The following COL27A1 variants were observed in gnomAD, a reference collection of about 807,000 sequenced individuals.
COL27A1 encodes collagen type XXVII alpha 1 chain.
COL27A1 carries 106 observed loss-of-function variants against 251.3 expected under a neutral mutation model. That is an observed-to-expected ratio of 0.42 (90% CI 0.36 to 0.50). The LOEUF is 0.50. Ranked by LOEUF, COL27A1 falls within the 20% of genes least tolerant of loss-of-function variation. COL27A1 has a pLI of 0.00. For synonymous variants in COL27A1, 1,000 were observed against 986.3 expected (o/e 1.01, Z -0.26); for missense variants, 2,325 against 2,522.8 (o/e 0.92, Z 1.68).
chr9:114,162,988 C>T (rs1424633540), intron 2 of COL27A1, among the ~76,000 whole-genome samples: 4 of 152,154 alleles, frequency 2.6e-5, no homozygotes, highest in East Asian at 1.9e-4. Context: ...GCAGTCCCAG[C>T]GCTTTGGGAG....
rs1588825631 is a variant in COL27A1 at position 114,266,488 on chromosome 9, C to T, written c.3394-77C>T. 7 of 1,284,752 alleles carry T rather than the reference C, an allele frequency of 5.4e-6. No individual in the cohort carries two copies. The East Asian group carries it at 1.4e-4, about 26-fold the overall frequency. The allele number at this position is 1,284,752 out of a possible 1,614,324, so 79.6% of individuals were successfully genotyped here. ...GTCCCCAGTTCTGGGGGTCAGCTCCCTCATTCACCCCTCCAGATCCCAAAG... is the reference window on the plus strand; with the variant it reads ...GTCCCCAGTTCTGGGGGTCAGCTCCTTCATTCACCCCTCCAGATCCCAAAG... On this transcript the variant is annotated intron_variant, in intron 32 of 60. Transcript: ENST00000356083.
At position 114,269,373 on chromosome 9, in the gene COL27A1, A is replaced by G. The variant is rs1034511231; in HGVS notation, c.3555+79A>G. On this transcript the variant is annotated intron_variant, in intron 35 of 60. Coordinates refer to ENST00000356083, the MANE Select transcript of COL27A1 (RefSeq NM_032888.4). ...CAGGGGAAGAGACCGGCTTTTCTCA[A>G]TCTCCCTAAGCCTCAGTTTCCTCAG... 2.4e-5 allele frequency: 24 copies of G among 1,015,574 alleles called. No homozygotes were observed. The African/African-American group carries it at 3.7e-4, about 16-fold the overall frequency. The allele number at this position is 1,015,574 out of a possible 1,614,324, so 62.9% of individuals were successfully genotyped here.
rs145059284 is a variant in COL27A1 at position 114,260,050 on chromosome 9, G to A, written c.3195+1456G>A. On this transcript the variant is annotated intron_variant, in intron 28 of 60. Transcript: ENST00000356083. Reference sequence around the variant, plus strand: ...GGCCAAGGGCAGCCAGGCTCCATCCGGATCCTCTGTACCTCCCCTCCTGCC... The same window carrying A: ...GGCCAAGGGCAGCCAGGCTCCATCCAGATCCTCTGTACCTCCCCTCCTGCC... Among the ~76,000 whole-genome samples, 402 of 152,096 alleles carry A rather than the reference G, an allele frequency of 2.6e-3. 1 individual carries two copies. The highest frequency in any genetic ancestry group is 9.5e-3 in the African/African-American group (393 of 41,472).
At chr9:114,260,270 G>C (rs1014389468) in intron 28 of COL27A1, among the ~76,000 whole-genome samples, 1 of 152,222 alleles carries the variant, frequency 6.6e-6, no homozygotes, top group African/African-American at 2.4e-5. Context: ...GTGTCTCCCG[G>C]GCTGGGAGGG....
chr9:114,235,542 A>G (rs926714152), intron 16 of COL27A1, 57 bp from the exon 17 acceptor site: 5 of 1,333,994 alleles, frequency 3.7e-6, no homozygotes, highest in Admixed American at 3.4e-5. Flanking sequence ...TCTGTGGGGG[A>G]GGCTTCCAGA....
intron 34 of COL27A1, 198 bp from the exon 35 acceptor site, chr9:114,269,043 G>T: frequency 1.9e-6 from 1 of 526,740 alleles, no homozygotes; most frequent in Non-Finnish European, 3.4e-6. Flanking sequence ...CGTGGGAGAA[G>T]AAGTCCGTGG....
chr9:114,183,019 C>T lies in COL27A1; in HGVS notation c.1963-3C>T. ...TTTTGTTTTTGTTCCTTGTCTCTTT[C>T]AGGGTCCTCCTGGGCCTTATGGAAA... On this transcript the variant is annotated splice_polypyrimidine_tract_variant and splice_region_variant and intron_variant, in intron 4 of 60. Transcript: ENST00000356083. 6.2e-7 allele frequency: 1 copy of T among 1,613,444 alleles called. No individual in the cohort carries two copies. Among genetic ancestry groups the T allele is most frequent in the African/African-American group, 1.3e-5 (1 of 75,044 alleles).
In COL27A1 at chr9:114,185,067, A is replaced by G. The variant is rs529371378; in HGVS notation, c.2016+1992A>G. Among the ~76,000 whole-genome samples the G allele has an allele frequency of 3.1e-4, 47 of 152,234 alleles. 1 individual carries two copies. The South Asian group carries it at 9.8e-3, about 32-fold the overall frequency. On this transcript the variant is annotated intron_variant, in intron 5 of 60. Transcript: ENST00000356083. ...ACTGTGGAACCTCAGTACCAGGCCC[A>G]TGGTAGCCCACCCCAATCTTGCTAA... is the stretch of plus-strand genomic sequence containing the variant.
chr9:114,235,133 C>T (rs1411133345), intron 16 of COL27A1, among the ~76,000 whole-genome samples: 1 of 151,700 alleles, frequency 6.6e-6, no homozygotes, highest in Non-Finnish European at 1.5e-5. Context: ...CAGAAACTCC[C>T]ACATGAGGAG....
chr9:114,199,971 C>T (rs1004009900), intron 7 of COL27A1, among the ~76,000 whole-genome samples: 2 of 152,222 alleles, frequency 1.3e-5, no homozygotes, highest in Admixed American at 6.5e-5. Context: ...TTCTCTCCAG[C>T]CTGACATCCC....
chr9:114,215,947 A>G (rs948115059), intron 12 of COL27A1, among the ~76,000 whole-genome samples: 4 of 152,116 alleles, frequency 2.6e-5, no homozygotes, highest in African/African-American at 9.7e-5. Flanking sequence ...TTTGGATTCT[A>G]GATGTTTCTT....
intron 24 of COL27A1, among the ~76,000 whole-genome samples, chr9:114,248,984 G>A (rs1261711278): frequency 1.3e-5 from 2 of 152,230 alleles, no homozygotes; most frequent in African/African-American, 4.8e-5. Flanking sequence ...GGATGGGAAA[G>A]AGCGAACATG....
At position 114,259,517 on chromosome 9, in the gene COL27A1, A is replaced by G. The variant is rs577033130; in HGVS notation, c.3195+923A>G. ...TCCCAGAAAGCCTTTGATTCCTGGGATAAACTAGGTGCTATGTGATTCAGC... is the reference window on the plus strand; with the variant it reads ...TCCCAGAAAGCCTTTGATTCCTGGGGTAAACTAGGTGCTATGTGATTCAGC... On this transcript the variant is annotated intron_variant, in intron 28 of 60. Transcript: ENST00000356083. Among the ~76,000 whole-genome samples the G allele has an allele frequency of 3.3e-5, 5 of 151,992 alleles. No homozygotes were observed. The South Asian group carries it at 1.0e-3, about 32-fold the overall frequency.
At chr9:114,232,147 G>A (rs1351058778) in intron 16 of COL27A1, among the ~76,000 whole-genome samples, 2 of 152,210 alleles carry the variant, frequency 1.3e-5, no homozygotes, top group Non-Finnish European at 2.9e-5. Context: ...AATCCAGAGA[G>A]CAGAGCTGAG....
chr9:114,168,417 C>T lies in COL27A1; in HGVS notation c.862C>T (p.Pro288Ser). ...ALGSLPAGRG[P>S]RGTVAPATPT... ...GGGGTCACTGCCAGCAGGCAGGGGA[C>T]CCAGGGGGACTGTGGCACCCGCCAC... The change falls in exon 3 of 61, where the codon CCC (proline) becomes TCC (serine). Residue 288 changes from proline to serine, a missense_variant. Transcript: ENST00000356083. 1.9e-6 allele frequency: 3 copies of T among 1,613,270 alleles called. No individual in the cohort carries two copies. Among genetic ancestry groups the T allele is most frequent in the Non-Finnish European group, 2.5e-6 (3 of 1,179,874 alleles).
chr9:114,172,255 CT>C (rs1564425906), intron 3 of COL27A1, among the ~76,000 whole-genome samples: 1 of 152,218 alleles, frequency 6.6e-6, no homozygotes, highest in African/African-American at 2.4e-5. Context: ...TTTCTGGCCT[CT>C]GCTGTCTTCC....
rs369740853 is a variant in COL27A1 at position 114,292,064 on chromosome 9, T to C, written c.4477-39T>C. Reference sequence around the variant, plus strand: ...CGCCTCCTCCTGCCTTAGAACCCCTTCCCACTTTGACTGGTAATTTTTTGT... The same window carrying C: ...CGCCTCCTCCTGCCTTAGAACCCCTCCCCACTTTGACTGGTAATTTTTTGT... On this transcript the variant is annotated intron_variant, in intron 48 of 60. Transcript: ENST00000356083. The C allele has an allele frequency of 3.7e-4, 564 of 1,531,738 alleles. 4 individuals carry two copies. Among genetic ancestry groups the C allele is most frequent in the Admixed American group, 4.7e-4 (24 of 50,974 alleles). The allele number at this position is 1,531,738 out of a possible 1,614,324, so 94.9% of individuals were successfully genotyped here. A position where few individuals can be genotyped will look rare whatever the true frequency, so the allele number is the denominator to read the frequency against.
At chr9:114,181,129 C>T (rs1422180380) in intron 4 of COL27A1, among the ~76,000 whole-genome samples, 1 of 152,184 alleles carries the variant, frequency 6.6e-6, no homozygotes, top group African/African-American at 2.4e-5. Context: ...TTAGAGACTG[C>T]TGGGTCCCAG....
chr9:114,292,189 G>C lies in COL27A1; in HGVS notation c.4563G>C (p.Glu1521Asp). 16 of 1,556,202 alleles carry C rather than the reference G, an allele frequency of 1.0e-5. No homozygotes were observed. The highest frequency in any genetic ancestry group is 1.4e-5 in the Non-Finnish European group (16 of 1,149,758). ...GRTGLPGNQG[E>D]PGSKGQPGDS... ...CGGGGCTCCCTGGAAACCAGGGGGAGCCTGGGTCCAAAGGCCAGCCGGTGA... is the reference window on the plus strand; with the variant it reads ...CGGGGCTCCCTGGAAACCAGGGGGACCCTGGGTCCAAAGGCCAGCCGGTGA... Residue 1521 changes from glutamate to aspartate, a missense_variant, in exon 49 of 61, where the codon GAG (glutamate) becomes GAC (aspartate). Around this residue, in one of 4 missense-constraint regions of COL27A1, gnomAD observed 153 missense variants for 140.7 expected, o/e 1.09. Transcript: ENST00000356083.
Sources: allele counts gnomAD v4.1 joint callset (sites outside exome capture counted in the v4.1 genomes callset), GRCh38; gene constraint gnomAD v4.1.1; regional missense constraint gnomAD v4.1.1; transcripts MANE v1.5; gene names NCBI Gene and HGNC (gene_info 2026-07-23, HGNC 2026-07-21).